USH2A: variants seen among roughly 807,000 people sequenced by gnomAD.
The protein encoded by USH2A is usherin, also known as Usher syndrome 2A (autosomal recessive, mild).
USH2A carries 443 observed loss-of-function variants against 538.9 expected under a neutral mutation model. The observed-to-expected ratio is 0.82, with a 90% confidence interval of 0.76 to 0.89. USH2A has a LOEUF of 0.89. USH2A is among the 40% of genes least tolerant of loss of function. The probability of loss-of-function intolerance (pLI) is 0.00; values close to 1 mark genes in which losing one functional copy is unlikely to be tolerated. For missense variants in USH2A, 6,633 were observed against 6,324.8 expected (o/e 1.05, Z -1.65); for synonymous variants, 2,413 against 2,273.5 (o/e 1.06, Z -1.75).
rs1408138735 is a variant in USH2A at position 215,624,192 on chromosome 1, A to T, written c.*1589T>A. 6.6e-6 allele frequency: 1 copy of T among 152,202 alleles called. No homozygotes were observed. The highest frequency in any genetic ancestry group is 1.5e-5 in the Non-Finnish European group (1 of 68,024). 9.4% of individuals were successfully genotyped at this position (152,202 alleles called of 1,614,324 possible). A position where few individuals can be genotyped will look rare whatever the true frequency, so the allele number is the denominator to read the frequency against. On this transcript the variant is annotated 3_prime_UTR_variant, in exon 72 of 72. Transcript: ENST00000307340. ...TATTTCAGATGCTTTTGTTTATAGC[A>T]GTTCTAATAAGGTGGTAGAACTTCT...
chr1:215,759,918 C>T, intron 56 of USH2A, 75 bp from the exon 57 acceptor site: 4 of 1,552,718 alleles, frequency 2.6e-6, no homozygotes, highest in Non-Finnish European at 2.7e-6. Flanking sequence ...ACCATCCCCC[C>T]CATGAACTGT....
chr1:215,729,553 G>A (rs1659929954), intron 60 of USH2A, among the ~76,000 whole-genome samples: 1 of 152,198 alleles, frequency 6.6e-6, no homozygotes, highest in African/African-American at 2.4e-5. Context: ...TAGCTGAGTA[G>A]AGAAGATGGA....
At chr1:216,088,398 C>T (rs933873146) in intron 23 of USH2A, among the ~76,000 whole-genome samples, 3 of 152,144 alleles carry the variant, frequency 2.0e-5, no homozygotes, top group Non-Finnish European at 4.4e-5. Flanking sequence ...ATTCTCTTTG[C>T]TCCTTGTATC....
In USH2A at chr1:215,819,704, C is replaced by T. The variant is rs181973672; in HGVS notation, c.9372-2509G>A. ...AACTAGTAAAGTCTAGAAAATACCA[C>T]GTAGAGCACGTTCCATGCCATTATA... On this transcript the variant is annotated intron_variant, in intron 47 of 71. Coordinates refer to ENST00000307340, the MANE Select transcript of USH2A (RefSeq NM_206933.4). 1.1e-4 allele frequency among the ~76,000 whole-genome samples: 16 copies of T among 151,906 alleles called. No individual in the cohort carries two copies. The East Asian group carries it at 1.9e-3, about 18-fold the overall frequency.
At chr1:216,247,377 A>C in intron 12 of USH2A, 151 bp from the exon 13 acceptor site, 2 of 893,134 alleles carry the variant, frequency 2.2e-6, no homozygotes, top group Non-Finnish European at 3.4e-6. Flanking sequence ...TCTTACTCTC[A>C]AAATTCAATG....
chr1:215,885,891 C>A (rs902109175), intron 41 of USH2A, among the ~76,000 whole-genome samples: 1 of 152,170 alleles, frequency 6.6e-6, no homozygotes, highest in Non-Finnish European at 1.5e-5. Flanking sequence ...AGCTGGCATT[C>A]CATATTTCTC....
chr1:215,665,199 C>G (rs1479593105), intron 64 of USH2A, among the ~76,000 whole-genome samples: 1 of 152,148 alleles, frequency 6.6e-6, no homozygotes, highest in Non-Finnish European at 1.5e-5. Context: ...TCTTTCCATC[C>G]TCTTGTTTGG....
At chr1:215,955,573 C>T (rs954667946) in intron 37 of USH2A, among the ~76,000 whole-genome samples, 4 of 152,092 alleles carry the variant, frequency 2.6e-5, no homozygotes, top group African/African-American at 7.2e-5. Flanking sequence ...GTGTAAAACT[C>T]CCTTTGCTTC....
At chr1:216,210,727 A>G (rs1448298935) in intron 15 of USH2A, among the ~76,000 whole-genome samples, 1 of 152,056 alleles carries the variant, frequency 6.6e-6, no homozygotes, top group African/African-American at 2.4e-5. Context: ...ATGCCTATCC[A>G]ATGAAGTTGC....
intron 35 of USH2A, among the ~76,000 whole-genome samples, chr1:215,978,306 A>G (rs375986392): frequency 1.3e-5 from 2 of 152,252 alleles, no homozygotes; most frequent in South Asian, 2.1e-4. Flanking sequence ...GGGCCATACA[A>G]ATATAAATTT....
At chr1:216,098,397 T>C (rs1475638998) in intron 21 of USH2A, among the ~76,000 whole-genome samples, 3 of 152,170 alleles carry the variant, frequency 2.0e-5, no homozygotes, top group African/African-American at 7.2e-5. Context: ...TAGTGAATAA[T>C]GAATGAATAC....
At position 215,626,150 on chromosome 1, in the gene USH2A, A is replaced by G. The variant is rs1024799875; in HGVS notation, c.15520-280T>C. 4.0e-5 allele frequency among the ~76,000 whole-genome samples: 6 copies of G among 151,436 alleles called. No homozygotes were observed. In the South Asian group the frequency reaches 6.2e-4, roughly 16 times the overall value. On this transcript the variant is annotated intron_variant, in intron 71 of 71. Transcript: ENST00000307340. ...ACCTAAGCCTCAGAAGCCTCAGTCT[A>G]CTCATCTGTAGAGTGGGATGTGTGT...
chr1:216,147,274 T>C (rs1486411532), intron 21 of USH2A, among the ~76,000 whole-genome samples: 1 of 152,002 alleles, frequency 6.6e-6, no homozygotes, highest in Non-Finnish European at 1.5e-5. Context: ...CAGCCTCTGC[T>C]CCTCCACCCT....
chr1:216,083,689 T>A, intron 25 of USH2A, 103 bp from the exon 26 acceptor site: 1 of 1,184,436 alleles, frequency 8.4e-7, no homozygotes, highest in Non-Finnish European at 1.2e-6. Context: ...ACTGAGTAAA[T>A]CTCACAAAAG....
intron 3 of USH2A, among the ~76,000 whole-genome samples, chr1:216,405,118 C>T (rs549544410): frequency 3.3e-5 from 5 of 152,140 alleles, no homozygotes; most frequent in South Asian, 2.1e-4. Context: ...AGCATCCTGA[C>T]GTGTGGGGAT....
intron 38 of USH2A, among the ~76,000 whole-genome samples, chr1:215,929,891 C>CA (rs1553277379): frequency 1.3e-5 from 2 of 151,606 alleles, no homozygotes; most frequent in African/African-American, 4.8e-5. Flanking sequence ...TTCTTTCTTT[C>CA]TTTTTTTTCT....
intron 32 of USH2A, among the ~76,000 whole-genome samples, chr1:216,008,068 A>G (rs1440894034): frequency 6.6e-6 from 1 of 152,192 alleles, no homozygotes; most frequent in Non-Finnish European, 1.5e-5. Context: ...TTTTTAAGAT[A>G]AGCTAATTCA....
chr1:215,896,564 C>T (rs1665348325), intron 40 of USH2A, among the ~76,000 whole-genome samples: 2 of 152,254 alleles, frequency 1.3e-5, no homozygotes, highest in Non-Finnish European at 2.9e-5. Context: ...CAAAAGAATA[C>T]ATCCACATTT....
intron 58 of USH2A, among the ~76,000 whole-genome samples, chr1:215,757,292 T>C (rs1487151789): frequency 6.6e-6 from 1 of 152,252 alleles, no homozygotes. Flanking sequence ...AAATAACTTT[T>C]TCTCTTTGAT....
Sources: allele counts gnomAD v4.1 joint callset (sites outside exome capture counted in the v4.1 genomes callset), GRCh38; gene constraint gnomAD v4.1.1; transcripts MANE v1.5; gene names NCBI Gene and HGNC (gene_info 2026-07-23, HGNC 2026-07-21).